BARX2: variants seen among roughly 807,000 people sequenced by gnomAD.
BARX2 encodes BARX homeobox 2.
Under a neutral mutation model 25.5 loss-of-function variants are expected in BARX2, and 11 were observed. The observed-to-expected ratio is 0.43, with a 90% CI of 0.27 to 0.71. BARX2 has a LOEUF of 0.71. BARX2 is among the 30% of genes least tolerant of loss of function. The pLI, the probability that BARX2 is intolerant of heterozygous loss-of-function variation, is 0.19. For synonymous variants in BARX2, 137 were observed against 149.5 expected (o/e 0.92, Z 0.61); for missense variants, 360 against 359.9 (o/e 1.00, Z 0.00).
intron 2 of BARX2, chr11:129,438,235 T>C (rs1055854184): frequency 4.0e-5 from 6 of 150,690 alleles, no homozygotes; most frequent in African/African-American, 1.5e-4. Context: ...AGACAGAGAA[T>C]TGCTTGAACC....
chr11:129,397,691 C>T (rs1861735705), intron 1 of BARX2, among the ~76,000 whole-genome samples: 1 of 152,152 alleles, frequency 6.6e-6, no homozygotes, highest in East Asian at 1.9e-4. Context: ...TTGTGGGAGG[C>T]ACAGATGAGT....
chr11:129,431,390 G>A (rs979754827), intron 1 of BARX2, among the ~76,000 whole-genome samples: 18 of 152,098 alleles, frequency 1.2e-4, no homozygotes, highest in South Asian at 2.1e-4. Flanking sequence ...CAAAGAGGCC[G>A]TACCAGTTTG....
chr11:129,377,756 C>T (rs1861518897), intron 1 of BARX2, among the ~76,000 whole-genome samples: 1 of 152,160 alleles, frequency 6.6e-6, no homozygotes, highest in South Asian at 2.1e-4. Context: ...ATTAACATTG[C>T]GTATGGGACA....
chr11:129,437,159 C>T, intron 2 of BARX2, 108 bp downstream of exon 2: 1 of 1,241,830 alleles, frequency 8.1e-7, no homozygotes, highest in South Asian at 2.0e-5. Context: ...AGGCAGGACA[C>T]TATGGCGGAG....
chr11:129,397,868 T>A (rs1861738107), intron 1 of BARX2, among the ~76,000 whole-genome samples: 1 of 152,246 alleles, frequency 6.6e-6, no homozygotes, highest in Non-Finnish European at 1.5e-5. Flanking sequence ...CCGAGAGGAA[T>A]GATCTAGCAG....
At chr11:129,420,385 T>C (rs1481528816) in intron 1 of BARX2, among the ~76,000 whole-genome samples, 1 of 152,182 alleles carries the variant, frequency 6.6e-6, no homozygotes, top group African/African-American at 2.4e-5. Flanking sequence ...GGCAATACAG[T>C]GATGTGAACA....
chr11:129,394,514 C>CT (rs200152517), intron 1 of BARX2, among the ~76,000 whole-genome samples: 5,607 of 151,664 alleles, frequency 0.037, 157 homozygotes, highest in Middle Eastern at 0.11. Context: ...TTTTTAGTGG[C>CT]TTTTTTTTGG....
intron 1 of BARX2, among the ~76,000 whole-genome samples, chr11:129,388,716 A>T (rs1861639338): frequency 6.6e-6 from 1 of 152,186 alleles, no homozygotes; most frequent in Non-Finnish European, 1.5e-5. Context: ...TATTTTTAAA[A>T]ACCTTTCTGT....
chr11:129,411,371 C>CAAAA (rs34667411), intron 1 of BARX2, among the ~76,000 whole-genome samples: 5 of 53,832 alleles, frequency 9.3e-5, no homozygotes, highest in African/African-American at 3.0e-4. Context: ...ACTCCATCTC[C>CAAAA]AAAAAAAAAA....
intron 3 of BARX2, among the ~76,000 whole-genome samples, chr11:129,444,724 C>A (rs3019119): frequency 1.3e-4 from 20 of 151,932 alleles, no homozygotes; most frequent in African/African-American, 4.6e-4. Context: ...GGAAGTGGCC[C>A]GGCACGGTGG....
chr11:129,384,538 T>G (rs1861600584), intron 1 of BARX2, among the ~76,000 whole-genome samples: 1 of 152,188 alleles, frequency 6.6e-6, no homozygotes, highest in Non-Finnish European at 1.5e-5. Context: ...CACAGTCTCG[T>G]GTGGATTGAA....
chr11:129,391,472 C>T (rs1286778982), intron 1 of BARX2, among the ~76,000 whole-genome samples: 6 of 152,118 alleles, frequency 3.9e-5, no homozygotes, highest in African/African-American at 7.2e-5. Flanking sequence ...AAGGAAGGTT[C>T]GCCAACCCTT....
intron 1 of BARX2, among the ~76,000 whole-genome samples, chr11:129,402,551 G>T (rs1861788310): frequency 6.6e-6 from 1 of 152,070 alleles, no homozygotes; most frequent in Non-Finnish European, 1.5e-5. Flanking sequence ...GGCTAATAAT[G>T]GTGCCCTTTC....
At chr11:129,419,647 C>T (rs539852216) in intron 1 of BARX2, among the ~76,000 whole-genome samples, 2 of 152,220 alleles carry the variant, frequency 1.3e-5, no homozygotes, top group African/African-American at 2.4e-5. Context: ...GTCCCTCTGT[C>T]CTTGGCCTTG....
chr11:129,409,292 G>T (rs1314208324), intron 1 of BARX2, among the ~76,000 whole-genome samples: 1 of 152,148 alleles, frequency 6.6e-6, no homozygotes, highest in Non-Finnish European at 1.5e-5. Flanking sequence ...CTATCTACTA[G>T]TCTAGGATGC....
intron 1 of BARX2, among the ~76,000 whole-genome samples, chr11:129,428,874 C>T (rs979038053): frequency 6.6e-6 from 1 of 152,280 alleles, no homozygotes; most frequent in African/African-American, 2.4e-5. Context: ...TTCACGGGGG[C>T]GCTCTCAGCC....
chr11:129,414,763 A>G (rs1384851098), intron 1 of BARX2, among the ~76,000 whole-genome samples: 1 of 152,238 alleles, frequency 6.6e-6, no homozygotes, highest in Non-Finnish European at 1.5e-5. Context: ...TGTGACTGGC[A>G]TCAAAGGTAT....
intron 1 of BARX2, among the ~76,000 whole-genome samples, chr11:129,399,391 C>T (rs976017651): frequency 1.3e-5 from 2 of 152,160 alleles, no homozygotes; most frequent in Non-Finnish European, 2.9e-5. Flanking sequence ...CTCTCTGTCT[C>T]TCTCTCTCTC....
At chr11:129,400,166 G>C (rs1370229577) in intron 1 of BARX2, among the ~76,000 whole-genome samples, 1 of 152,170 alleles carries the variant, frequency 6.6e-6, no homozygotes, top group Non-Finnish European at 1.5e-5. Context: ...CATTCGTTGA[G>C]TGCTTACTTT....
Sources: allele counts gnomAD v4.1 joint callset (sites outside exome capture counted in the v4.1 genomes callset), GRCh38; gene constraint gnomAD v4.1.1; transcripts MANE v1.5; gene names NCBI Gene and HGNC (gene_info 2026-07-23, HGNC 2026-07-21).